Variants in FAM135B observed in about 807,000 individuals in gnomAD.
The protein encoded by FAM135B is family with sequence similarity 135 member B, also known as protein FAM135B.
FAM135B carries 43 observed loss-of-function variants against 127.7 expected under a neutral mutation model. The observed-to-expected ratio is 0.34, with a 90% confidence interval of 0.26 to 0.43. The LOEUF (loss-of-function observed/expected upper bound fraction) is 0.43. Among genes scored for constraint, FAM135B ranks in the 20% least tolerant of loss-of-function variants. FAM135B has a pLI of 1.00. For missense variants in FAM135B, 1,558 were observed against 1,725.6 expected (o/e 0.90, Z 1.72); for synonymous variants, 670 against 665.1 (o/e 1.01, Z -0.11).
At chr8:138,453,497 G>A (rs895406338) in intron 1 of FAM135B, among the ~76,000 whole-genome samples, 16 of 151,692 alleles carry the variant, frequency 1.1e-4, no homozygotes, top group African/African-American at 2.7e-4. Context: ...TTCCCTGCTG[G>A]TCCCGGACTC....
chr8:138,352,673 T>G lies in FAM135B; in HGVS notation c.77+15234A>C, dbSNP rs936006976. Among the ~76,000 whole-genome samples the G allele has an allele frequency of 2.0e-5, 3 of 152,340 alleles. No homozygotes were observed. The South Asian group carries it at 6.2e-4, about 32-fold the overall frequency. On this transcript the variant is annotated intron_variant, in intron 2 of 19. Transcript: ENST00000395297. ...ATCCATGCCTATGTCTTACACTTAT[T>G]GCTCAATCTGTTTTCCTCAATGCCC...
intron 2 of FAM135B, among the ~76,000 whole-genome samples, chr8:138,356,623 T>C (rs1191371314): frequency 6.6e-6 from 1 of 152,160 alleles, no homozygotes; most frequent in Non-Finnish European, 1.5e-5. Context: ...TTTTACTTGG[T>C]CTGAGAACAC....
chr8:138,213,297 C>A (rs530984278), intron 7 of FAM135B, among the ~76,000 whole-genome samples: 1 of 151,976 alleles, frequency 6.6e-6, no homozygotes, highest in South Asian at 2.1e-4. Flanking sequence ...ACGATCACTA[C>A]GTAAATAGTA....
At chr8:138,426,393 G>A (rs546765842) in intron 1 of FAM135B, among the ~76,000 whole-genome samples, 1 of 151,588 alleles carries the variant, frequency 6.6e-6, no homozygotes, top group African/African-American at 2.4e-5. Flanking sequence ...AATTGGTATG[G>A]CTACTTTGGA....
intron 12 of FAM135B, among the ~76,000 whole-genome samples, chr8:138,157,316 T>G (rs1818860622): frequency 6.6e-6 from 1 of 152,150 alleles, no homozygotes; most frequent in South Asian, 2.1e-4. Flanking sequence ...AAGAGCTATT[T>G]ATGACAAACC....
intron 9 of FAM135B, among the ~76,000 whole-genome samples, chr8:138,180,827 A>C (rs979473836): frequency 2.6e-5 from 4 of 152,194 alleles, no homozygotes; most frequent in Admixed American, 6.5e-5. Context: ...AAATGAGGGA[A>C]TCGCCTGCAT....
rs560129155 is a variant in FAM135B, at chr8:138,467,210, T to C, written c.-20+29461A>G. Reference sequence around the variant, plus strand: ...TTCACTGCATGCTATCTTATACCAATTGCTGCTCAGTCTAACCACAGGGTT... The same window carrying C: ...TTCACTGCATGCTATCTTATACCAACTGCTGCTCAGTCTAACCACAGGGTT... On this transcript the variant is annotated intron_variant, in intron 1 of 19. Transcript: ENST00000395297. 3.3e-5 allele frequency among the ~76,000 whole-genome samples: 5 copies of C among 152,288 alleles called. No individual in the cohort carries two copies. In the East Asian group the frequency reaches 7.7e-4, roughly 24 times the overall value.
At chr8:138,236,399 T>TAC (rs35317285) in intron 7 of FAM135B, among the ~76,000 whole-genome samples, 12,542 of 144,722 alleles carry the variant, frequency 0.087, 593 homozygotes, top group East Asian at 0.24. Flanking sequence ...CACACACACA[T>TAC]ACACACACAC....
chr8:138,133,851 A>C (rs1816401237), intron 19 of FAM135B, among the ~76,000 whole-genome samples: 1 of 151,998 alleles, frequency 6.6e-6, no homozygotes, highest in Non-Finnish European at 1.5e-5. Context: ...CCCATCACGC[A>C]TGGGGTATGT....
intron 2 of FAM135B, among the ~76,000 whole-genome samples, chr8:138,343,705 C>A (rs751127734): frequency 2.4e-4 from 36 of 152,198 alleles, no homozygotes; most frequent in Middle Eastern, 3.2e-3. Context: ...TCCATCACCT[C>A]CCAAACGTGT....
At chr8:138,429,454 C>T (rs557322016) in intron 1 of FAM135B, among the ~76,000 whole-genome samples, 15 of 152,184 alleles carry the variant, frequency 9.9e-5, no homozygotes, top group South Asian at 6.2e-4. Flanking sequence ...CCCCATGTGA[C>T]GAACTCTATT....
chr8:138,253,692 G>T (rs2130514971), intron 5 of FAM135B, among the ~76,000 whole-genome samples: 1 of 152,288 alleles, frequency 6.6e-6, no homozygotes, highest in Non-Finnish European at 1.5e-5. Context: ...CCAGGGGTCA[G>T]AATCCTCCTG....
chr8:138,492,339 C>T (rs564815157), intron 1 of FAM135B, among the ~76,000 whole-genome samples: 1 of 152,224 alleles, frequency 6.6e-6, no homozygotes, highest in South Asian at 2.1e-4. Context: ...TACCTTCCTT[C>T]TGTTCCTCTC....
intron 13 of FAM135B, 48 bp from the exon 14 acceptor site, chr8:138,148,734 T>G (rs1441433378): frequency 2.8e-6 from 4 of 1,450,940 alleles, no homozygotes; most frequent in Non-Finnish European, 3.8e-6. Context: ...TACTTCATGT[T>G]GAACAGGAAA....
intron 2 of FAM135B, among the ~76,000 whole-genome samples, chr8:138,339,589 T>C (rs1004126208): frequency 6.6e-6 from 1 of 152,086 alleles, no homozygotes; most frequent in Non-Finnish European, 1.5e-5. Flanking sequence ...AAAACTGCAC[T>C]GGCCTTTGAC....
chr8:138,270,756 C>A (rs576732332), intron 3 of FAM135B, among the ~76,000 whole-genome samples: 2 of 152,342 alleles, frequency 1.3e-5, no homozygotes, highest in South Asian at 2.1e-4. Context: ...CCCTCATGGC[C>A]CAAACACCTC....
chr8:138,158,003 A>C (rs146221491), intron 12 of FAM135B, among the ~76,000 whole-genome samples: 105,787 of 152,016 alleles, frequency 0.7, 36,867 homozygotes, highest in East Asian at 0.79. Flanking sequence ...CAATCCTAAG[A>C]CAAAAGAACA....
chr8:138,133,907 A>T (rs1302736536), intron 19 of FAM135B, among the ~76,000 whole-genome samples: 3 of 151,898 alleles, frequency 2.0e-5, no homozygotes, highest in Non-Finnish European at 4.4e-5. Flanking sequence ...TCTTGGTAGG[A>T]GCTTTGACGT....
chr8:138,387,494 C>A (rs182181145), intron 1 of FAM135B, among the ~76,000 whole-genome samples: 3 of 152,176 alleles, frequency 2.0e-5, no homozygotes, highest in Non-Finnish European at 4.4e-5. Context: ...TCTCTCCAGA[C>A]CAGCAGAAAG....
Sources: allele counts gnomAD v4.1 joint callset (sites outside exome capture counted in the v4.1 genomes callset), GRCh38; gene constraint gnomAD v4.1.1; transcripts MANE v1.5; gene names NCBI Gene and HGNC (gene_info 2026-07-23, HGNC 2026-07-21).